Variants in FANCC observed in about 807,000 individuals in gnomAD.
FANCC encodes Fanconi anemia group C protein.
A neutral mutation model predicts 71.3 loss-of-function variants in FANCC; 55 were observed. The ratio of observed to expected loss-of-function variants is 0.77; its 90% CI spans 0.62 to 0.97. The LOEUF (loss-of-function observed/expected upper bound fraction) is 0.97. Among genes scored for constraint, FANCC ranks in the 50% least tolerant of loss-of-function variants. The pLI is 0.00. For missense variants in FANCC, 678 were observed against 670.9 expected, an observed-to-expected ratio of 1.01 and a Z score of -0.12; for synonymous variants, 275 against 244.9, an observed-to-expected ratio of 1.12 and a Z score of -1.15.
At chr9:95,245,414 ATAG>A (rs1040282921) in intron 3 of FANCC, among the ~76,000 whole-genome samples, 1 of 152,056 alleles carries the variant, frequency 6.6e-6, no homozygotes, top group Admixed American at 6.5e-5. Flanking sequence ...GAAACTGAGA[ATAG>A]TACCAAACCT....
In FANCC at chr9:95,292,331, G is replaced by A. The variant is rs1294539615; in HGVS notation, c.-79+25195C>T. On this transcript the variant is annotated intron_variant, in intron 1 of 14. Transcript: ENST00000289081. ...TGCGAGCTGGGCCTGGCCGCCCTGCGGGAGCCATGGCGGCCTCGGAGGCGG... is the reference window on the plus strand; with the variant it reads ...TGCGAGCTGGGCCTGGCCGCCCTGCAGGAGCCATGGCGGCCTCGGAGGCGG... 9 of 768,958 alleles carry A rather than the reference G, an allele frequency of 1.2e-5. No individual in the cohort carries two copies. In the East Asian group the frequency reaches 9.0e-4, roughly 77 times the overall value. The allele number at this position is 768,958 out of a possible 1,614,324, so 47.6% of individuals were successfully genotyped here. A position where few individuals can be genotyped will look rare whatever the true frequency, so the allele number is the denominator to read the frequency against.
intron 14 of FANCC, among the ~76,000 whole-genome samples, chr9:95,104,479 C>T (rs1024173948): frequency 1.3e-5 from 2 of 151,688 alleles, no homozygotes; most frequent in Admixed American, 6.6e-5. Flanking sequence ...CGTGTGGATC[C>T]GCAGCAGGGG....
chr9:95,116,126 A>C (rs770519337), intron 11 of FANCC, among the ~76,000 whole-genome samples: 18 of 152,262 alleles, frequency 1.2e-4, no homozygotes, highest in Non-Finnish European at 2.4e-4. Flanking sequence ...GCCCATGCCC[A>C]TGCACCACCT....
At chr9:95,117,427 T>C in intron 10 of FANCC, 37 bp from the exon 11 acceptor site, 1 of 1,577,490 alleles carries the variant, frequency 6.3e-7, no homozygotes, top group Non-Finnish European at 8.7e-7. Flanking sequence ...GCATGAACAT[T>C]AAGATTGAAA....
Position 95,170,190 on chromosome 9 carries a change from A to G in FANCC, c.521+889T>C, listed in dbSNP as rs954628580. 4.6e-5 allele frequency among the ~76,000 whole-genome samples: 7 copies of G among 152,288 alleles called. No homozygotes were observed. The East Asian group carries it at 1.3e-3, about 29-fold the overall frequency. On this transcript the variant is annotated intron_variant, in intron 6 of 14. Coordinates refer to ENST00000289081, the MANE Select transcript of FANCC (RefSeq NM_000136.3). ...AACATTCACCTCACAACCAAATCCA[A>G]GTCTTTACCTGACATGTAAATAAAT...
intron 6 of FANCC, among the ~76,000 whole-genome samples, chr9:95,157,492 T>C (rs1361198573): frequency 1.3e-5 from 2 of 152,210 alleles, no homozygotes; most frequent in African/African-American, 2.4e-5. Context: ...TGTAGCTCTA[T>C]GGTTTGGGGC....
Position 95,284,802 on chromosome 9 carries a change from A to G in FANCC, c.-79+32724T>C, listed in dbSNP as rs77046306. On this transcript the variant is annotated intron_variant, in intron 1 of 14. Coordinates refer to ENST00000289081, the MANE Select transcript of FANCC (RefSeq NM_000136.3). ...ATAAATATTAACAACAGCAGTTGTA[A>G]CTGTTAATAAATAACACAGGAAAGT... Among the ~76,000 whole-genome samples the G allele has an allele frequency of 3.3e-3, 506 of 152,172 alleles. 9 individuals carry two copies. The East Asian group carries it at 0.043, about 13-fold the overall frequency.
intron 11 of FANCC, among the ~76,000 whole-genome samples, chr9:95,115,435 G>C (rs2072320785): frequency 6.6e-6 from 1 of 152,188 alleles, no homozygotes; most frequent in Admixed American, 6.5e-5. Flanking sequence ...ATTAGGAATA[G>C]ACTGCCTGAC....
At chr9:95,313,420 CACG>C (rs1213530967) in intron 1 of FANCC, among the ~76,000 whole-genome samples, 2 of 152,212 alleles carry the variant, frequency 1.3e-5, no homozygotes, top group African/African-American at 4.8e-5. Flanking sequence ...CAGGTGCGCG[CACG>C]ACAACCTTCA....
intron 1 of FANCC, among the ~76,000 whole-genome samples, chr9:95,273,187 C>T (rs980125894): frequency 1.3e-5 from 2 of 152,188 alleles, no homozygotes; most frequent in Non-Finnish European, 1.5e-5. Context: ...GGGTGGTGAA[C>T]GAGTCACTAA....
rs760906091 is a variant in FANCC at position 95,149,934 on chromosome 9, C to T, written c.675G>A (p.Glu225=). 5 of 1,603,988 alleles carry T rather than the reference C, an allele frequency of 3.1e-6. No individual in the cohort carries two copies. In the African/African-American group the frequency reaches 5.3e-5, roughly 17 times the overall value. ...LQPEFFEAVN[E]AILLKKISLP... is the part of the protein sequence containing the mutation. ...CATTTGCCACTTACAGCAAAATGGC[C>T]TCGTTTACAGCCTCAAAGAACTCTG... is the stretch of plus-strand genomic sequence containing the variant. Residue 225 remains glutamate (E), a synonymous_variant, in exon 7 of 15, where the codon GAG becomes GAA. Transcript: ENST00000289081.
chr9:95,280,740 T>C (rs996247140), intron 1 of FANCC, among the ~76,000 whole-genome samples: 2 of 152,194 alleles, frequency 1.3e-5, no homozygotes, highest in African/African-American at 2.4e-5. Context: ...GAGAGGATTA[T>C]AGAAAAGCTG....
At chr9:95,294,484 C>T (rs1455763672) in intron 1 of FANCC, 1 of 1,590,386 alleles carries the variant, frequency 6.3e-7, no homozygotes, top group Non-Finnish European at 8.6e-7. Flanking sequence ...AGACAGTAGC[C>T]CTCATCTGCC....
chr9:95,130,882 T>C (rs906815605), intron 8 of FANCC, among the ~76,000 whole-genome samples: 1 of 152,256 alleles, frequency 6.6e-6, no homozygotes, highest in African/African-American at 2.4e-5. Context: ...CCTTCACATC[T>C]ATCATGTACA....
At position 95,200,949 on chromosome 9, in the gene FANCC, G is replaced by C. The variant is rs1278888765; in HGVS notation, c.346-28802C>G. ...TCAAGTGTTCTTTTAAATTCAGACAGATAAAAAGCACTCTCCAGAACACGT... is the reference window on the plus strand; with the variant it reads ...TCAAGTGTTCTTTTAAATTCAGACACATAAAAAGCACTCTCCAGAACACGT... On this transcript the variant is annotated intron_variant, in intron 4 of 14. Transcript: ENST00000289081. Among the ~76,000 whole-genome samples the C allele has an allele frequency of 2.6e-5, 4 of 152,288 alleles. No homozygotes were observed. In the East Asian group the frequency reaches 5.8e-4, roughly 22 times the overall value.
chr9:95,195,386 T>C (rs1295811886), intron 4 of FANCC, among the ~76,000 whole-genome samples: 1 of 152,120 alleles, frequency 6.6e-6, no homozygotes, highest in African/African-American at 2.4e-5. Context: ...ATTTCTCCAT[T>C]GAATTGCTTC....
At chr9:95,279,161 T>C (rs1384032591) in intron 1 of FANCC, among the ~76,000 whole-genome samples, 1 of 151,706 alleles carries the variant, frequency 6.6e-6, no homozygotes, top group Admixed American at 6.6e-5. Flanking sequence ...CTACTAAAAA[T>C]ACAAAAATTA....
chr9:95,230,246 C>T (rs987124897), intron 4 of FANCC, among the ~76,000 whole-genome samples: 1 of 152,164 alleles, frequency 6.6e-6, no homozygotes, highest in Non-Finnish European at 1.5e-5. Flanking sequence ...CGGTGTAGTG[C>T]GGCTGCAGTG....
intron 4 of FANCC, among the ~76,000 whole-genome samples, chr9:95,178,871 A>G (rs1564727052): frequency 6.6e-6 from 1 of 152,204 alleles, no homozygotes; most frequent in African/African-American, 2.4e-5. Context: ...TTGGTGTACA[A>G]ATGACTGAAT....
Sources: gnomAD v4.1 joint callset for allele counts (sites outside exome capture counted in the v4.1 genomes callset) on GRCh38, gnomAD v4.1.1 for gene constraint, MANE v1.5 for transcripts, NCBI Gene and HGNC (gene_info 2026-07-23, HGNC 2026-07-21) for gene names.